MAP3K2: variants seen among roughly 807,000 people sequenced by gnomAD.
MAP3K2 encodes the protein MAP/ERK kinase kinase 2.
Under a neutral mutation model 80.3 loss-of-function variants are expected in MAP3K2, and 24 were observed. The ratio of observed to expected loss-of-function variants is 0.30; its 90% confidence interval spans 0.22 to 0.42. MAP3K2 has a LOEUF of 0.42. Ranked by LOEUF, MAP3K2 falls within the 10% of genes least tolerant of loss-of-function variation. The pLI is 1.00. For synonymous variants in MAP3K2, 244 were observed against 253.7 expected (o/e 0.96, Z 0.36); for missense variants, 608 against 750.1 (o/e 0.81, Z 2.21).
Position 127,317,709 on chromosome 2 carries a change from C to G in MAP3K2, c.1246G>C (p.Glu416Gln). 6.2e-7 allele frequency: 1 copy of G among 1,600,350 alleles called. No individual in the cohort carries two copies. The change falls in exon 14 of 17, where the codon GAG (glutamate) becomes CAG (glutamine). Residue 416 changes from glutamate to glutamine, a missense_variant. Around this residue, in one of 4 missense-constraint regions of MAP3K2, gnomAD observed 467 missense variants for 521.9 expected, o/e 0.89. Transcript: ENST00000682094. Reference protein sequence around the residue: ...EIQLLKNLLHERIVQYYGCLR... With the variant: ...EIQLLKNLLHQRIVQYYGCLR... Reference sequence around the variant, plus strand: ...CAGCCATAATACTGAACAATTCGCTCATGTAGCAAGTTTTTCAGCAACTGA... The same window carrying G: ...CAGCCATAATACTGAACAATTCGCTGATGTAGCAAGTTTTTCAGCAACTGA...
chr2:127,376,692 A>G (rs1687158310), intron 1 of MAP3K2, among the ~76,000 whole-genome samples: 1 of 151,966 alleles, frequency 6.6e-6, no homozygotes, highest in Non-Finnish European at 1.5e-5. Context: ...CAAAACATAC[A>G]CCTTCTGTTG....
chr2:127,385,990 A>G (rs991067298), intron 1 of MAP3K2, among the ~76,000 whole-genome samples: 7 of 152,254 alleles, frequency 4.6e-5, no homozygotes, highest in African/African-American at 1.7e-4. Context: ...TAATTCAATA[A>G]GATTCAACAT....
Position 127,310,326 on chromosome 2 carries a change from G to A in MAP3K2, c.1457-1564C>T, listed in dbSNP as rs936725067. Among the ~76,000 whole-genome samples, 1 of 151,918 alleles carries A rather than the reference G, an allele frequency of 6.6e-6. No individual in the cohort carries two copies. Among genetic ancestry groups the A allele is most frequent in the East Asian group, 1.9e-4 (1 of 5,192 alleles). ...ATCAGCCATTTCTCAAGGAGGCCTG[G>A]TTCCTTTTAGTGGAGAATGGTATTA... is the stretch of plus-strand genomic sequence containing the variant. On this transcript the variant is annotated intron_variant, in intron 15 of 16. Transcript: ENST00000682094. This position sits in a 1 kb window ranked among gnomAD's most constrained non-coding sequence, Gnocchi z 4.8.
chr2:127,330,244 T>C, intron 6 of MAP3K2, 148 bp downstream of exon 6: 1 of 583,766 alleles, frequency 1.7e-6, no homozygotes, highest in Non-Finnish European at 3.0e-6. Flanking sequence ...AGTAAGGATA[T>C]TAAAGTATAG....
Position 127,387,789 on chromosome 2 carries a change from T to C in MAP3K2, c.-403A>G, listed in dbSNP as rs1392011931. 2 of 984,472 alleles carry C rather than the reference T, an allele frequency of 2.0e-6. No individual in the cohort carries two copies. Among genetic ancestry groups the C allele is most frequent in the East Asian group, 1.1e-4 (1 of 8,728 alleles). The allele number at this position is 984,472 out of a possible 1,614,324, so 61.0% of individuals were successfully genotyped here. ...GGAGGAAGCCGCGGGCCCGCGTCGCTAGAGACCGGAGAAGAGGCGGGAGTG... is the reference window on the plus strand; with the variant it reads ...GGAGGAAGCCGCGGGCCCGCGTCGCCAGAGACCGGAGAAGAGGCGGGAGTG... On this transcript the variant is annotated 5_prime_UTR_variant, in exon 1 of 17. Transcript: ENST00000682094.
rs927489100 is a variant in MAP3K2, at chr2:127,364,134, T to G, written c.-65-20940A>C. Reference sequence around the variant, plus strand: ...AACCTATCTGCTTTTCTCAAAGGACTTGCTATTAATAGAGCCCCCTTCCTG... The same window carrying G: ...AACCTATCTGCTTTTCTCAAAGGACGTGCTATTAATAGAGCCCCCTTCCTG... On this transcript the variant is annotated intron_variant, in intron 1 of 16. Coordinates refer to ENST00000682094, the MANE Select transcript of MAP3K2 (RefSeq NM_001371910.2). This position sits in a 1 kb window ranked among gnomAD's most constrained non-coding sequence, Gnocchi z 4.1. Among the ~76,000 whole-genome samples the G allele has an allele frequency of 6.6e-6, 1 of 152,228 alleles. No individual in the cohort carries two copies. Among genetic ancestry groups the G allele is most frequent in the Non-Finnish European group, 1.5e-5 (1 of 68,028 alleles).
intron 7 of MAP3K2, 116 bp from the exon 8 acceptor site, chr2:127,326,933 T>G: frequency 1.6e-6 from 1 of 627,516 alleles, no homozygotes; most frequent in Non-Finnish European, 2.5e-6. Context: ...GAAAATTCAA[T>G]TTTTATTAAA....
At chr2:127,362,375 T>C (rs770514721) in intron 1 of MAP3K2, among the ~76,000 whole-genome samples, 1 of 152,228 alleles carries the variant, frequency 6.6e-6, no homozygotes, top group Non-Finnish European at 1.5e-5. Flanking sequence ...TGGCATATAG[T>C]AGTAATTATG....
At chr2:127,333,277 AACACACACAC>A (rs35382458) in intron 5 of MAP3K2, among the ~76,000 whole-genome samples, 1 of 144,782 alleles carries the variant, frequency 6.9e-6, no homozygotes, top group East Asian at 2.0e-4. Flanking sequence ...CAACCCTCAT[AACACACACAC>A]ACACACACAC....
chr2:127,325,256 C>T (rs1474364131), intron 9 of MAP3K2, among the ~76,000 whole-genome samples: 1 of 152,216 alleles, frequency 6.6e-6, no homozygotes, highest in Non-Finnish European at 1.5e-5. Flanking sequence ...TTTATCCACA[C>T]TGTGCAAAAA....
At chr2:127,331,008 T>C (rs1686246045) in intron 5 of MAP3K2, among the ~76,000 whole-genome samples, 1 of 152,150 alleles carries the variant, frequency 6.6e-6, no homozygotes. Context: ...GGGGTACCAC[T>C]AGTAACATAT....
intron 9 of MAP3K2, 95 bp from the exon 10 acceptor site, chr2:127,324,336 C>T: frequency 1.3e-5 from 9 of 697,040 alleles, no homozygotes; most frequent in Non-Finnish European, 1.9e-5. Flanking sequence ...CTGTGCCTCT[C>T]TGTATGTGTT....
rs763397585 is a variant in MAP3K2, at chr2:127,322,008, C to T, written c.1045+38G>A. 3 of 1,543,074 alleles carry T rather than the reference C, an allele frequency of 1.9e-6. No homozygotes were observed. The highest frequency in any genetic ancestry group is 1.8e-5 in the Admixed American group (1 of 55,616). On this transcript the variant is annotated intron_variant, in intron 12 of 16. Transcript: ENST00000682094. The surrounding 1 kb of genome is among the most constrained non-coding windows in gnomAD (Gnocchi z 4.2). The stretch of plus-strand genomic sequence containing the variant: ...AATAATATAAAATTCTGCAAAGATT[C>T]TGCTCTACATTTCACTATACCAAGT...
chr2:127,370,078 A>T (rs1257614642), intron 1 of MAP3K2, among the ~76,000 whole-genome samples: 2 of 130,856 alleles, frequency 1.5e-5, no homozygotes, highest in Non-Finnish European at 3.1e-5. Flanking sequence ...AGACCATGGA[A>T]CCTGGCCTAA....
At chr2:127,342,388 GGTGTGTGTGTGT>G (rs56300936) in intron 2 of MAP3K2, among the ~76,000 whole-genome samples, 24 of 147,862 alleles carry the variant, frequency 1.6e-4, no homozygotes, top group Admixed American at 6.8e-4. Context: ...TCTTCATGAG[GGTGTGTGTGTGT>G]GTGTGTGTGT....
At chr2:127,328,935 C>G (rs1407708770) in intron 7 of MAP3K2, among the ~76,000 whole-genome samples, 1 of 152,170 alleles carries the variant, frequency 6.6e-6, no homozygotes, top group Non-Finnish European at 1.5e-5. Flanking sequence ...AATGGCCATA[C>G]TCACTGCCCT....
At position 127,310,808 on chromosome 2, in the gene MAP3K2, T is replaced by C. The variant is rs905178554; in HGVS notation, c.1457-2046A>G. On this transcript the variant is annotated intron_variant, in intron 15 of 16. Transcript: ENST00000682094. The surrounding 1 kb of genome is among the most constrained non-coding windows in gnomAD (Gnocchi z 4.8). ...ATTTCTCTTCTCATTTTTTTCCACA[T>C]AGCCCTCATTACTTTGGACCTTCTC... 1.3e-5 allele frequency among the ~76,000 whole-genome samples: 2 copies of C among 152,148 alleles called. No homozygotes were observed. Among genetic ancestry groups the C allele is most frequent in the African/African-American group, 2.4e-5 (1 of 41,446 alleles).
At position 127,303,570 on chromosome 2, in the gene MAP3K2, C is replaced by T. The variant is rs936733863; in HGVS notation, c.*4009G>A. On this transcript the variant is annotated 3_prime_UTR_variant, in exon 17 of 17. Coordinates refer to ENST00000682094, the MANE Select transcript of MAP3K2 (RefSeq NM_001371910.2). ...TTGCTTTTCCCTTAATAAAAAATAA[C>T]ATTTTAAAACATCATTGCTGAACTT... is the stretch of plus-strand genomic sequence containing the variant. The T allele has an allele frequency of 7.2e-5, 11 of 152,186 alleles. No homozygotes were observed. Among genetic ancestry groups the T allele is most frequent in the African/African-American group, 2.6e-4 (11 of 41,518 alleles). 9.4% of individuals were successfully genotyped at this position (152,186 alleles called of 1,614,324 possible). A position where few individuals can be genotyped will look rare whatever the true frequency, so the allele number is the denominator to read the frequency against.
intron 15 of MAP3K2, among the ~76,000 whole-genome samples, chr2:127,311,738 G>A (rs1163558254): frequency 1.3e-5 from 2 of 151,836 alleles, no homozygotes; most frequent in African/African-American, 4.9e-5. Flanking sequence ...TCACACCCAA[G>A]AGGATGAACA....
Sources: gnomAD v4.1 joint callset for allele counts (sites outside exome capture counted in the v4.1 genomes callset) on GRCh38, gnomAD v4.1.1 for gene constraint, gnomAD v4.1.1 regional missense constraint, Gnocchi (gnomAD v3.1) non-coding constraint, MANE v1.5 for transcripts, NCBI Gene and HGNC (gene_info 2026-07-23, HGNC 2026-07-21) for gene names.